The following AGMO variants were observed in gnomAD, a reference collection of about 807,000 sequenced individuals.
The protein encoded by AGMO is glyceryl-ether monooxygenase.
Under a neutral mutation model 60.2 loss-of-function variants are expected in AGMO, and 75 were observed. The observed-to-expected ratio is 1.25, with a 90% CI of 1.03 to 1.51. The LOEUF (loss-of-function observed/expected upper bound fraction) is 1.51, where lower values mean the gene tolerates loss of function less well. Ranked by LOEUF, AGMO falls within the 40% of genes most tolerant of loss-of-function variation. AGMO has a pLI of 0.00. For missense variants in AGMO, 763 were observed against 525.5 expected, an observed-to-expected ratio of 1.45 and a Z score of -4.42; for synonymous variants, 261 against 177.1, an observed-to-expected ratio of 1.47 and a Z score of -3.76.
At chr7:15,432,349 TAC>T (rs1165739239) in intron 3 of AGMO, among the ~76,000 whole-genome samples, 4 of 115,698 alleles carry the variant, frequency 3.5e-5, no homozygotes, top group South Asian at 2.7e-4. Context: ...TATATATACA[TAC>T]ATATATATAT....
At position 15,248,475 on chromosome 7, in the gene AGMO, T is replaced by A. The variant is rs1249980333; in HGVS notation, c.1264-47116A>T. Among the ~76,000 whole-genome samples, 4 of 152,050 alleles carry A rather than the reference T, an allele frequency of 2.6e-5. No individual in the cohort carries two copies. The East Asian group carries it at 7.8e-4, about 30-fold the overall frequency. Reference sequence around the variant, plus strand: ...ATTGCCAATTTCTATTCATTGGGAATATCTGAGTAAAGAAAAATTCCCATT... The same window carrying A: ...ATTGCCAATTTCTATTCATTGGGAAAATCTGAGTAAAGAAAAATTCCCATT... On this transcript the variant is annotated intron_variant, in intron 12 of 12. Transcript: ENST00000342526.
intron 12 of AGMO, among the ~76,000 whole-genome samples, chr7:15,320,843 T>C (rs940950723): frequency 1.2e-4 from 18 of 152,222 alleles, no homozygotes; most frequent in African/African-American, 3.6e-4. Context: ...ATGTTTAACA[T>C]AATTTTCAAA....
At chr7:15,297,784 T>C (rs1478207046) in intron 12 of AGMO, among the ~76,000 whole-genome samples, 1 of 152,178 alleles carries the variant, frequency 6.6e-6, no homozygotes, top group Non-Finnish European at 1.5e-5. Context: ...AAGAGAATTA[T>C]ATGCATTTAA....
the AGMO span, among the ~76,000 whole-genome samples, chr7:15,184,379 GGAAGGAAA>G: frequency 5.7e-5 from 3 of 52,936 alleles, no homozygotes; most frequent in Admixed American, 2.4e-4. Flanking sequence ...AAGGAAGGAA[GGAAGGAAA>G]GAAGAGAGGG....
intron 4 of AGMO, among the ~76,000 whole-genome samples, chr7:15,421,094 A>G (rs1266031603): frequency 2.6e-5 from 4 of 152,138 alleles, no homozygotes; most frequent in Non-Finnish European, 5.9e-5. Context: ...GCAAGAAACA[A>G]TATGGCATTT....
chr7:15,206,248 T>C (rs561117280), intron 12 of AGMO, among the ~76,000 whole-genome samples: 4 of 152,096 alleles, frequency 2.6e-5, no homozygotes, highest in East Asian at 3.9e-4. Flanking sequence ...TAGATAATTA[T>C]AGATTTTTTT....
At chr7:15,219,082 A>G (rs548099361) in intron 12 of AGMO, among the ~76,000 whole-genome samples, 19 of 152,322 alleles carry the variant, frequency 1.2e-4, no homozygotes, top group Admixed American at 7.2e-4. Flanking sequence ...ATTTGTATTA[A>G]GTACCTCCAT....
intron 2 of AGMO, among the ~76,000 whole-genome samples, chr7:15,548,008 C>A (rs987565851): frequency 6.8e-6 from 1 of 147,440 alleles, no homozygotes; most frequent in Admixed American, 6.7e-5. Flanking sequence ...GTCCCTGACC[C>A]CTGACACCGG....
At chr7:15,207,794 C>T (rs1015867913) in intron 12 of AGMO, among the ~76,000 whole-genome samples, 1 of 152,100 alleles carries the variant, frequency 6.6e-6, no homozygotes, top group East Asian at 1.9e-4. Context: ...ATTAGCCGGG[C>T]TTGGTGGCGG....
At chr7:15,478,752 G>T (rs1421140949) in intron 3 of AGMO, among the ~76,000 whole-genome samples, 1 of 152,100 alleles carries the variant, frequency 6.6e-6, no homozygotes, top group African/African-American at 2.4e-5. Context: ...TTGTATTAAA[G>T]CCTGTTCAGG....
At chr7:15,442,879 C>T (rs1311974129) in intron 3 of AGMO, among the ~76,000 whole-genome samples, 3 of 152,138 alleles carry the variant, frequency 2.0e-5, no homozygotes, top group Admixed American at 6.5e-5. Flanking sequence ...AGCGGCTGGA[C>T]GTCAAGAGGA....
At chr7:15,143,226 ACT>A in the AGMO span, among the ~76,000 whole-genome samples, 1 of 152,198 alleles carries the variant, frequency 6.6e-6, no homozygotes, top group Non-Finnish European at 1.5e-5. Context: ...AGTGGAAATC[ACT>A]GTCTCTTTAG....
At position 15,343,946 on chromosome 7, in the gene AGMO, CAAT is replaced by C. The variant is rs368518418; in HGVS notation, c.1263+21565_1263+21567del. Among the ~76,000 whole-genome samples the C allele has an allele frequency of 3.9e-4, 59 of 152,138 alleles. No homozygotes were observed. In the East Asian group the frequency reaches 7.0e-3, roughly 18 times the overall value. ...CACAAGGAAAATGAGATTTAGAAAA[CAAT>C]AATAATATTTTCCTTTAACTATCCA... On this transcript the variant is annotated intron_variant, in intron 12 of 12. Coordinates refer to ENST00000342526, the MANE Select transcript of AGMO (RefSeq NM_001004320.2).
chr7:15,225,805 CA>C (rs1782063628), intron 12 of AGMO, among the ~76,000 whole-genome samples: 1 of 151,860 alleles, frequency 6.6e-6, no homozygotes, highest in Non-Finnish European at 1.5e-5. Context: ...ATAGTAAACA[CA>C]TTTTCTTAAA....
chr7:15,254,791 T>A (rs1396706243), intron 12 of AGMO, among the ~76,000 whole-genome samples: 1 of 150,498 alleles, frequency 6.6e-6, no homozygotes, highest in Non-Finnish European at 1.5e-5. Flanking sequence ...AAAGGGGACA[T>A]TACAACTGAT....
intron 12 of AGMO, among the ~76,000 whole-genome samples, chr7:15,342,172 T>TAAAAA (rs775057626): frequency 0.067 from 3,640 of 54,202 alleles, 320 homozygotes; most frequent in Non-Finnish European, 0.081. Context: ...CCCACAGAGT[T>TAAAAA]AAAAAAAAAA....
intron 12 of AGMO, among the ~76,000 whole-genome samples, chr7:15,225,419 AAT>A (rs1782049945): frequency 6.6e-6 from 1 of 151,996 alleles, no homozygotes; most frequent in East Asian, 1.9e-4. Context: ...TAACTTTCTC[AAT>A]ATGTTTTGCT....
chr7:15,459,317 T>C (rs543012463), intron 3 of AGMO, among the ~76,000 whole-genome samples: 187 of 152,288 alleles, frequency 1.2e-3, no homozygotes, highest in African/African-American at 4.4e-3. Context: ...GGTTCGTTTA[T>C]GCAAAAACAG....
chr7:15,418,615 T>C lies in AGMO; in HGVS notation c.552A>G (p.Ser184=). 2 of 1,580,812 alleles carry C rather than the reference T, an allele frequency of 1.3e-6. No homozygotes were observed. Among genetic ancestry groups the C allele is most frequent in the Non-Finnish European group, 8.6e-7 (1 of 1,168,874 alleles). The change falls in exon 5 of 13, where the codon TCA becomes TCG. Residue 184 remains serine, a synonymous_variant. Coordinates refer to ENST00000342526, the MANE Select transcript of AGMO (RefSeq NM_001004320.2). ...TGAATTGAAGATGAACAGCATATACTGAAGGGGGTATGAAGAGGGCCAGGG... is the reference window on the plus strand; with the variant it reads ...TGAATTGAAGATGAACAGCATATACCGAAGGGGGTATGAAGAGGGCCAGGG... The part of the protein sequence containing the change: ...YSPLALFIPP[S]VYAVHLQFNL...
Sources: allele counts gnomAD v4.1 joint callset (sites outside exome capture counted in the v4.1 genomes callset), GRCh38; gene constraint gnomAD v4.1.1; transcripts MANE v1.5; gene names NCBI Gene and HGNC (gene_info 2026-07-23, HGNC 2026-07-21).